LRRC37A2: variants seen among roughly 807,000 people sequenced by gnomAD.
LRRC37A2 encodes the protein leucine-rich repeat-containing protein 37A2.
LRRC37A2 carries 9 observed loss-of-function variants against 68.8 expected under a neutral mutation model. That is an observed-to-expected ratio of 0.13 (90% CI 0.08 to 0.23). LRRC37A2 has a LOEUF of 0.23. Ranked by LOEUF, LRRC37A2 falls within the 10% of genes least tolerant of loss-of-function variation. The probability of loss-of-function intolerance (pLI) is 1.00; values close to 1 mark genes in which losing one functional copy is unlikely to be tolerated. For missense variants in LRRC37A2, 168 were observed against 950.4 expected, an observed-to-expected ratio of 0.18 and a Z score of 10.82; for synonymous variants, 63 against 367.6, an observed-to-expected ratio of 0.17 and a Z score of 9.48.
chr17:46,978,822 C>T, the LRRC37A2 span: 3 of 1,609,126 alleles, frequency 1.9e-6, no homozygotes, highest in Admixed American at 5.0e-5. Flanking sequence ...GCGACACCCA[C>T]AGGCTGCGCT....
chr17:46,973,591 G>A, the LRRC37A2 span, among the ~76,000 whole-genome samples: 3 of 152,252 alleles, frequency 2.0e-5, no homozygotes, highest in Admixed American at 6.5e-5. Flanking sequence ...GACTGCAAGG[G>A]TGAGCAGGCG....
chr17:46,767,733 TAATC>T, the LRRC37A2 span, among the ~76,000 whole-genome samples: 2 of 152,224 alleles, frequency 1.3e-5, no homozygotes, highest in Non-Finnish European at 2.9e-5. Context: ...GTAAAAATGT[TAATC>T]AATTGCTGGC....
the LRRC37A2 span, among the ~76,000 whole-genome samples, chr17:46,740,982 C>G: frequency 1.3e-5 from 2 of 152,166 alleles, no homozygotes; most frequent in Non-Finnish European, 2.9e-5. Context: ...GGTAATAAAT[C>G]TCCCTAACTC....
the LRRC37A2 span, among the ~76,000 whole-genome samples, chr17:46,861,239 C>T: frequency 1.3e-5 from 2 of 152,348 alleles, no homozygotes; most frequent in South Asian, 2.1e-4. Context: ...ACTCTTGGCT[C>T]ATTAGCTAAT....
the LRRC37A2 span, among the ~76,000 whole-genome samples, chr17:46,822,038 T>TG: frequency 2.2e-3 from 336 of 151,978 alleles, no homozygotes; most frequent in African/African-American, 7.5e-3. Flanking sequence ...CGGACCAACC[T>TG]GGGGGGGTAA....
chr17:46,884,626 G>T, the LRRC37A2 span, among the ~76,000 whole-genome samples: 2 of 152,238 alleles, frequency 1.3e-5, no homozygotes, highest in Non-Finnish European at 2.9e-5. Flanking sequence ...CAGGTACCAA[G>T]TGCTCTGCAG....
the LRRC37A2 span, among the ~76,000 whole-genome samples, chr17:46,805,154 C>G: frequency 1.6e-4 from 24 of 152,042 alleles, no homozygotes; most frequent in Non-Finnish European, 2.6e-4. Flanking sequence ...GAGACGAACC[C>G]TGGTCCTCAA....
chr17:46,858,416 A>AC, the LRRC37A2 span, among the ~76,000 whole-genome samples: 1 of 152,198 alleles, frequency 6.6e-6, no homozygotes, highest in African/African-American at 2.4e-5. Flanking sequence ...CTACCCAAGA[A>AC]ATCTCTGCCT....
the LRRC37A2 span, among the ~76,000 whole-genome samples, chr17:46,575,383 A>C: frequency 1.3e-5 from 2 of 151,938 alleles, no homozygotes; most frequent in African/African-American, 4.9e-5. Flanking sequence ...AGCCAGAGTG[A>C]AGAAAAGAAA....
chr17:46,905,368 A>G, the LRRC37A2 span, among the ~76,000 whole-genome samples: 7 of 152,294 alleles, frequency 4.6e-5, no homozygotes. Context: ...GAGCCACCGT[A>G]TCCAGCTGGG....
At chr17:46,805,777 G>A in the LRRC37A2 span, among the ~76,000 whole-genome samples, 1 of 152,152 alleles carries the variant, frequency 6.6e-6, no homozygotes, top group Non-Finnish European at 1.5e-5. Context: ...AAACTTGACA[G>A]TGATATTCAC....
the LRRC37A2 span, among the ~76,000 whole-genome samples, chr17:46,913,989 CTT>C: frequency 6.6e-6 from 1 of 152,110 alleles, no homozygotes; most frequent in East Asian, 1.9e-4. Context: ...AAACTCCTGA[CTT>C]TGGGTGATCC....
At chr17:46,727,867 A>G in the LRRC37A2 span, among the ~76,000 whole-genome samples, 1 of 152,236 alleles carries the variant, frequency 6.6e-6, no homozygotes, top group South Asian at 2.1e-4. Flanking sequence ...TTCAATAAGC[A>G]CTTGCTGAGC....
At chr17:46,676,308 C>T in the LRRC37A2 span, among the ~76,000 whole-genome samples, 1 of 140,518 alleles carries the variant, frequency 7.1e-6, no homozygotes, top group Non-Finnish European at 1.5e-5. Flanking sequence ...TCTCGGCTCA[C>T]CACAACCTCC....
the LRRC37A2 span, among the ~76,000 whole-genome samples, chr17:46,979,886 A>G: frequency 1.3e-5 from 2 of 151,850 alleles, no homozygotes; most frequent in African/African-American, 4.8e-5. Flanking sequence ...TCTGCCTCCT[A>G]GAGAGTGTCG....
At chr17:46,717,099 T>C in the LRRC37A2 span, among the ~76,000 whole-genome samples, 1 of 152,192 alleles carries the variant, frequency 6.6e-6, no homozygotes, top group Non-Finnish European at 1.5e-5. Flanking sequence ...TGAATGTCCC[T>C]CAGTGGATGA....
chr17:46,918,596 G>GACAC, the LRRC37A2 span, among the ~76,000 whole-genome samples: 494 of 146,750 alleles, frequency 3.4e-3, 4 homozygotes, highest in African/African-American at 0.012. Context: ...ATAGCAGGCA[G>GACAC]ACACACACAC....
chr17:46,931,360 C>G, the LRRC37A2 span: 1,054 of 667,406 alleles, frequency 1.6e-3, 12 homozygotes, highest in African/African-American at 0.018. Context: ...GGGCACAATT[C>G]TATCTGAGTG....
At chr17:46,718,396 A>G in the LRRC37A2 span, among the ~76,000 whole-genome samples, 1 of 152,252 alleles carries the variant, frequency 6.6e-6, no homozygotes, top group Admixed American at 6.5e-5. Flanking sequence ...GAATATTCCT[A>G]ACAAAAAGAA....
Sources: gnomAD v4.1 joint callset for allele counts (sites outside exome capture counted in the v4.1 genomes callset) on GRCh38, gnomAD v4.1.1 for gene constraint, MANE v1.5 for transcripts, NCBI Gene and HGNC (gene_info 2026-07-23, HGNC 2026-07-21) for gene names.